The following VAT1L variants were observed in gnomAD, a reference collection of about 807,000 sequenced individuals.
VAT1L encodes putative NADPH-dependent quinone oxidoreductase VAT1L.
A neutral mutation model predicts 44.1 loss-of-function variants in VAT1L; 34 were observed. The observed-to-expected ratio is 0.77, with a 90% CI of 0.59 to 1.03. VAT1L has a LOEUF of 1.03. Among genes scored for constraint, VAT1L ranks in the 50% least tolerant of loss-of-function variants. The pLI is 0.00. For missense variants in VAT1L, 615 were observed against 538.8 expected (o/e 1.14, Z -1.40); for synonymous variants, 253 against 202.2 (o/e 1.25, Z -2.13).
chr16:77,915,883 T>C (rs1021491833), intron 7 of VAT1L, among the ~76,000 whole-genome samples: 3 of 152,174 alleles, frequency 2.0e-5, no homozygotes, highest in African/African-American at 4.8e-5. Context: ...GGAAGACAAC[T>C]CCTGCGAAGT....
At chr16:77,907,320 G>A (rs1191439736) in intron 7 of VAT1L, among the ~76,000 whole-genome samples, 2 of 152,196 alleles carry the variant, frequency 1.3e-5, no homozygotes, top group South Asian at 2.1e-4. Flanking sequence ...CAGGCACAGA[G>A]CTCACTTTTG....
intron 7 of VAT1L, among the ~76,000 whole-genome samples, chr16:77,895,100 C>CCCCACACACACACACACACACA (rs1555517699): frequency 1.4e-5 from 2 of 145,152 alleles, no homozygotes; most frequent in Non-Finnish European, 3.0e-5. Context: ...AGCCACTTGC[C>CCCCACACACACACACACACACA]CACACACACA....
chr16:77,789,631 TGGAGAC>T (rs1333270274), intron 1 of VAT1L, among the ~76,000 whole-genome samples: 1 of 152,006 alleles, frequency 6.6e-6, no homozygotes, highest in Admixed American at 6.6e-5. Context: ...TTGGTGAGGG[TGGAGAC>T]CAGGGCTGCA....
intron 3 of VAT1L, 21 bp from the exon 4 acceptor site, chr16:77,862,727 G>C (rs779468978): frequency 2.9e-5 from 46 of 1,610,098 alleles, no homozygotes; most frequent in Non-Finnish European, 3.8e-5. Flanking sequence ...GTGTGACATA[G>C]CTATTGTCTT....
intron 7 of VAT1L, among the ~76,000 whole-genome samples, chr16:77,916,217 C>T (rs560070420): frequency 1.1e-4 from 16 of 152,104 alleles, no homozygotes; most frequent in East Asian, 1.9e-4. Context: ...GTTTGGGTTT[C>T]GTGCACTCAA....
chr16:77,975,327 A>C (rs1239043474), intron 8 of VAT1L, among the ~76,000 whole-genome samples: 3 of 148,014 alleles, frequency 2.0e-5, no homozygotes, highest in Non-Finnish European at 4.4e-5. Context: ...CTCATGCCAC[A>C]GCCTCTAGAA....
chr16:77,805,830 G>T lies in VAT1L; in HGVS notation c.234-11091G>T, dbSNP rs2016146094. 4.1e-5 allele frequency among the ~76,000 whole-genome samples: 5 copies of T among 122,128 alleles called. No homozygotes were observed. The Admixed American group carries it at 4.1e-4, about 10-fold the overall frequency. 80.1% of individuals were successfully genotyped at this position (122,128 alleles called of 152,430 possible). A position where few individuals can be genotyped will look rare whatever the true frequency, so the allele number is the denominator to read the frequency against. ...CAATCCTGCATGTATTTATCTGCTT[G>T]TTACTTTTTGTGTTATTTTTTCCTT... On this transcript the variant is annotated intron_variant, in intron 1 of 8. Coordinates refer to ENST00000302536, the MANE Select transcript of VAT1L (RefSeq NM_020927.3).
In VAT1L at chr16:77,788,785, C is replaced by A. The variant is rs199786602; in HGVS notation, c.103C>A (p.Arg35Ser). ...GGGCGGCGGCGGCGACGGCTCGCAC[C>A]GCCTCGGGGACGCCCAGGAGATGCG... The part of the protein sequence containing the change: ...AEGGGGDGSH[R>S]LGDAQEMRAV... Residue 35 changes from arginine to serine, a missense_variant, in exon 1 of 9, where the codon CGC (arginine) becomes AGC (serine). By Grantham distance (110) the Arg-to-Ser change is moderately radical. Transcript: ENST00000302536. 210 of 1,565,766 alleles carry A rather than the reference C, an allele frequency of 1.3e-4. 2 individuals carry two copies. The African/African-American group carries it at 2.4e-3, about 18-fold the overall frequency.
At chr16:77,815,834 G>T (rs2016342277) in intron 1 of VAT1L, among the ~76,000 whole-genome samples, 1 of 151,754 alleles carries the variant, frequency 6.6e-6, no homozygotes, top group Admixed American at 6.6e-5. Context: ...CAGGCGAGTT[G>T]GTGTGCACCT....
In VAT1L at chr16:77,932,079, TTA is replaced by T. The variant is rs550724615; in HGVS notation, c.1078-39766_1078-39765del. ...CTTTCATGGCAAGGAAGGAAATGCA[TTA>T]TATAAGCCTGAAATACAGTAATTTT... is the stretch of plus-strand genomic sequence containing the variant. On this transcript the variant is annotated intron_variant, in intron 7 of 8. Transcript: ENST00000302536. Among the ~76,000 whole-genome samples the T allele has an allele frequency of 4.7e-3, 714 of 151,710 alleles. 5 individuals are homozygous for T. Among genetic ancestry groups the T allele is most frequent in the African/African-American group, 0.017 (686 of 41,386 alleles).
chr16:77,973,676 A>G (rs534439884), intron 8 of VAT1L, among the ~76,000 whole-genome samples: 1 of 55,736 alleles, frequency 1.8e-5, no homozygotes, highest in African/African-American at 5.2e-5. Context: ...TCAGTTCTTT[A>G]AAAAAAAAAA....
At chr16:77,951,991 G>A (rs748502883) in intron 7 of VAT1L, among the ~76,000 whole-genome samples, 2 of 152,118 alleles carry the variant, frequency 1.3e-5, no homozygotes, top group Non-Finnish European at 2.9e-5. Flanking sequence ...CCTAAAGGAC[G>A]TTTCAGGAAG....
intron 3 of VAT1L, among the ~76,000 whole-genome samples, chr16:77,838,163 A>G (rs1190253231): frequency 4.6e-5 from 7 of 152,200 alleles, no homozygotes; most frequent in Non-Finnish European, 7.3e-5. Flanking sequence ...GGCCCCTTGG[A>G]TACATGCTGA....
chr16:77,888,001 A>G (rs538143831), intron 7 of VAT1L, among the ~76,000 whole-genome samples: 1 of 152,226 alleles, frequency 6.6e-6, no homozygotes, highest in East Asian at 1.9e-4. Context: ...CTGGTCCTTG[A>G]GCCCACCCAG....
At chr16:77,899,475 C>G (rs2017358575) in intron 7 of VAT1L, among the ~76,000 whole-genome samples, 1 of 152,220 alleles carries the variant, frequency 6.6e-6, no homozygotes, top group Non-Finnish European at 1.5e-5. Flanking sequence ...CTCTTCCTGC[C>G]TGTTTCAAAG....
intron 7 of VAT1L, among the ~76,000 whole-genome samples, chr16:77,947,577 C>T (rs2017984536): frequency 6.6e-6 from 1 of 152,166 alleles, no homozygotes; most frequent in South Asian, 2.1e-4. Flanking sequence ...AAGACCATGC[C>T]CAGCTCCCTC....
chr16:77,967,524 TAGG>T (rs1189315568), intron 7 of VAT1L, among the ~76,000 whole-genome samples: 3 of 152,308 alleles, frequency 2.0e-5, no homozygotes, highest in East Asian at 1.9e-4. Flanking sequence ...ACAGCGTGAA[TAGG>T]AGGTCAGGCT....
intron 3 of VAT1L, among the ~76,000 whole-genome samples, chr16:77,848,435 G>C (rs532993733): frequency 6.6e-6 from 1 of 152,246 alleles, no homozygotes; most frequent in South Asian, 2.1e-4. Context: ...CCCCATGTGG[G>C]ATTGCCCCAT....
At chr16:77,940,932 T>C (rs2017875086) in intron 7 of VAT1L, among the ~76,000 whole-genome samples, 1 of 152,166 alleles carries the variant, frequency 6.6e-6, no homozygotes, top group Admixed American at 6.5e-5. Context: ...TAACACCTCT[T>C]GAACACATCC....
Sources: gnomAD v4.1 joint callset for allele counts (sites outside exome capture counted in the v4.1 genomes callset) on GRCh38, gnomAD v4.1.1 for gene constraint, MANE v1.5 for transcripts, NCBI Gene and HGNC (gene_info 2026-07-23, HGNC 2026-07-21) for gene names.